Variants in PEX5L observed in about 807,000 individuals in gnomAD.
PEX5L encodes the protein peroxisomal biogenesis factor 5 like.
PEX5L carries 30 observed loss-of-function variants against 84.0 expected under a neutral mutation model. That is an observed-to-expected ratio of 0.36 (90% CI 0.27 to 0.48). The LOEUF (loss-of-function observed/expected upper bound fraction) is 0.48. Among genes scored for constraint, PEX5L ranks in the 20% least tolerant of loss-of-function variants. The pLI is 0.99. For missense variants in PEX5L, 533 were observed against 754.6 expected (o/e 0.71, Z 3.44); for synonymous variants, 270 against 283.1 (o/e 0.95, Z 0.46).
At chr3:179,985,672 C>G (rs1306744916) in intron 1 of PEX5L, among the ~76,000 whole-genome samples, 3 of 152,054 alleles carry the variant, frequency 2.0e-5, no homozygotes, top group Non-Finnish European at 4.4e-5. Context: ...CCCCTTTTCC[C>G]CTTATTTTCC....
At chr3:180,024,450 CAGG>C (rs1324935152) in intron 1 of PEX5L, among the ~76,000 whole-genome samples, 1 of 144,608 alleles carries the variant, frequency 6.9e-6, no homozygotes, top group African/African-American at 2.6e-5. Flanking sequence ...GAGGCTGAGG[CAGG>C]AGAATGGCGT....
At chr3:180,010,952 G>A (rs1789415107) in intron 1 of PEX5L, among the ~76,000 whole-genome samples, 2 of 152,180 alleles carry the variant, frequency 1.3e-5, no homozygotes. Context: ...AGGGGAAGTG[G>A]AAGGCGTGCT....
chr3:179,964,726 A>C (rs1416777979), intron 2 of PEX5L, among the ~76,000 whole-genome samples: 2 of 152,220 alleles, frequency 1.3e-5, no homozygotes. Flanking sequence ...CACTAGAGAA[A>C]TGCATACCCA....
intron 2 of PEX5L, among the ~76,000 whole-genome samples, chr3:179,951,159 G>C (rs1446510906): frequency 6.6e-6 from 1 of 152,172 alleles, no homozygotes; most frequent in Non-Finnish European, 1.5e-5. Context: ...GACTTTATAA[G>C]ACTGAATTAA....
intron 8 of PEX5L, among the ~76,000 whole-genome samples, chr3:179,825,132 C>G (rs1311072439): frequency 6.6e-6 from 1 of 152,168 alleles, no homozygotes; most frequent in Non-Finnish European, 1.5e-5. Context: ...TGACCTTGGG[C>G]AGGAGTAACC....
intron 8 of PEX5L, among the ~76,000 whole-genome samples, chr3:179,848,824 G>A (rs1050045807): frequency 6.6e-6 from 1 of 152,106 alleles, no homozygotes; most frequent in Non-Finnish European, 1.5e-5. Context: ...GTGGTGCTGT[G>A]GTGTGCTTGA....
At chr3:179,901,182 T>G (rs867107825) in intron 2 of PEX5L, among the ~76,000 whole-genome samples, 1 of 151,998 alleles carries the variant, frequency 6.6e-6, no homozygotes, top group African/African-American at 2.4e-5. Context: ...TTGAAGGCAG[T>G]AGCTTAAAAC....
intron 1 of PEX5L, among the ~76,000 whole-genome samples, chr3:179,981,377 A>G (rs1052856398): frequency 6.6e-6 from 1 of 152,200 alleles, no homozygotes; most frequent in Admixed American, 6.5e-5. Flanking sequence ...GGAGGAAGGA[A>G]GGCTGGAGTC....
chr3:179,881,857 C>A (rs756837235), intron 4 of PEX5L, among the ~76,000 whole-genome samples: 1 of 152,170 alleles, frequency 6.6e-6, no homozygotes, highest in African/African-American at 2.4e-5. Flanking sequence ...CAATAGGAAC[C>A]ACTTCCCAAT....
chr3:179,839,716 G>GT (rs1736315178), intron 8 of PEX5L, among the ~76,000 whole-genome samples: 1 of 152,204 alleles, frequency 6.6e-6, no homozygotes, highest in African/African-American at 2.4e-5. Flanking sequence ...AGATACAGCA[G>GT]TAAGACAGGG....
rs1041522416 is a variant in PEX5L at position 179,815,867 on chromosome 3, A to C, written c.1077T>G (p.Asp359Glu). ...AATGAAGGGAGAATGACACCTCTGC[A>C]TCTCCAGGGTCCTGAAGAATTGCTG... ...MEAAILQDPG[D>E]AEAWQFLGIT... Residue 359 changes from aspartate (D) to glutamate (E), a missense_variant, in exon 10 of 15, where the codon GAT becomes GAG. Coordinates refer to ENST00000467460, the MANE Select transcript of PEX5L (RefSeq NM_016559.3). The C allele has an allele frequency of 1.2e-6, 2 of 1,613,956 alleles. No homozygotes were observed. The highest frequency in any genetic ancestry group is 3.3e-5 in the Admixed American group (2 of 60,010).
intron 7 of PEX5L, among the ~76,000 whole-genome samples, chr3:179,864,257 T>C (rs974499401): frequency 1.3e-5 from 2 of 152,144 alleles, no homozygotes; most frequent in African/African-American, 2.4e-5. Context: ...TGCAGCATTA[T>C]TCACAATAGC....
At chr3:179,852,895 C>T (rs573916166) in intron 8 of PEX5L, among the ~76,000 whole-genome samples, 9 of 152,158 alleles carry the variant, frequency 5.9e-5, no homozygotes, top group South Asian at 2.1e-4. Flanking sequence ...CTTTGTTAGT[C>T]GGTCAGTAAG....
chr3:179,987,055 G>A (rs1786920449), intron 1 of PEX5L, among the ~76,000 whole-genome samples: 1 of 152,060 alleles, frequency 6.6e-6, no homozygotes. Context: ...GTATGGCTTT[G>A]AGCAAATTGT....
chr3:179,902,020 G>C (rs1268375417), intron 2 of PEX5L: 1 of 152,310 alleles, frequency 6.6e-6, no homozygotes, highest in African/African-American at 2.4e-5. Context: ...AGATGAGAAA[G>C]GTTGGATCTG....
intron 1 of PEX5L, among the ~76,000 whole-genome samples, chr3:180,008,855 A>T (rs977174338): frequency 1.3e-5 from 2 of 152,220 alleles, no homozygotes; most frequent in African/African-American, 4.8e-5. Context: ...ACAATTCACG[A>T]AGAGAATATG....
At chr3:180,000,102 T>A (rs1017002717) in intron 1 of PEX5L, among the ~76,000 whole-genome samples, 1 of 152,142 alleles carries the variant, frequency 6.6e-6, no homozygotes, top group Non-Finnish European at 1.5e-5. Flanking sequence ...GATTTTTGCT[T>A]CTTGTTTCCA....
intron 1 of PEX5L, among the ~76,000 whole-genome samples, chr3:180,019,849 C>T (rs927726847): frequency 7.2e-5 from 11 of 152,074 alleles, no homozygotes; most frequent in Admixed American, 5.2e-4. Context: ...GATAATGTCC[C>T]CCCTCAATAA....
chr3:179,840,473 C>T (rs548574055), intron 8 of PEX5L, among the ~76,000 whole-genome samples: 1 of 152,024 alleles, frequency 6.6e-6, no homozygotes, highest in South Asian at 2.1e-4. Context: ...ACAGATGTGA[C>T]CCACCGTGCC....
Sources: allele counts gnomAD v4.1 joint callset (sites outside exome capture counted in the v4.1 genomes callset), GRCh38; gene constraint gnomAD v4.1.1; transcripts MANE v1.5; gene names NCBI Gene and HGNC (gene_info 2026-07-23, HGNC 2026-07-21).